Variants in COQ5 observed in about 807,000 individuals in gnomAD.
The protein encoded by COQ5 is coenzyme Q5, methyltransferase.
Under a neutral mutation model 40.5 loss-of-function variants are expected in COQ5, and 27 were observed. That is an observed-to-expected ratio of 0.67 (90% confidence interval 0.49 to 0.92). The LOEUF (loss-of-function observed/expected upper bound fraction) is 0.92, where lower values mean the gene tolerates loss of function less well. Among genes scored for constraint, COQ5 ranks in the 40% least tolerant of loss-of-function variants. The pLI is 0.00. For synonymous variants in COQ5, 141 were observed against 150.0 expected, an observed-to-expected ratio of 0.94 and a Z score of 0.44; for missense variants, 409 against 406.4, an observed-to-expected ratio of 1.01 and a Z score of -0.06.
chr12:120,512,912 G>A (rs1439470245), intron 3 of COQ5, among the ~76,000 whole-genome samples: 1 of 149,998 alleles, frequency 6.7e-6, no homozygotes, highest in African/African-American at 2.4e-5. Context: ...ACAAAAATTA[G>A]CCAGGCATGG....
At chr12:120,503,907 T>G in intron 6 of COQ5, 22 bp from the exon 7 acceptor site, 3 of 1,607,828 alleles carry the variant, frequency 1.9e-6, no homozygotes, top group Non-Finnish European at 1.7e-6. Flanking sequence ...GGAAAGATGA[T>G]AAAGCCAGGG....
In COQ5 at chr12:120,516,711, G is replaced by T. The variant is rs757061664; in HGVS notation, c.430C>A (p.Gln144Lys). 17 of 1,614,036 alleles carry T rather than the reference G, an allele frequency of 1.1e-5. No homozygotes were observed. The highest frequency in any genetic ancestry group is 1.4e-5 in the Non-Finnish European group (16 of 1,180,020). Residue 144 changes from glutamine (Q) to lysine (K), a missense_variant, in exon 3 of 7, where the codon CAA becomes AAA. Gln to Lys is a moderately conservative substitution (Grantham distance 53). Coordinates refer to ENST00000288532, the MANE Select transcript of COQ5 (RefSeq NM_032314.4). ...GCAATTTCTTCCCAGGATAAATTTT[G>T]TTGGGCCCTTAACTGCCTCTTCTGT... is the stretch of plus-strand genomic sequence containing the variant. ...RKQKRQLRAQ[Q>K]NLSWEEIAKE...
chr12:120,508,797 G>A (rs1037417291), intron 4 of COQ5, among the ~76,000 whole-genome samples: 1 of 151,970 alleles, frequency 6.6e-6, no homozygotes, highest in Admixed American at 6.6e-5. Context: ...AGGCCAAGGC[G>A]GGAGGATCAT....
At chr12:120,510,745 A>G (rs1727075287) in intron 3 of COQ5, among the ~76,000 whole-genome samples, 1 of 152,190 alleles carries the variant, frequency 6.6e-6, no homozygotes, top group Admixed American at 6.5e-5. Flanking sequence ...GCAGAGTTTT[A>G]CTGGTTTTAT....
chr12:120,527,827 A>C (rs1203196844), intron 1 of COQ5, among the ~76,000 whole-genome samples: 1 of 151,578 alleles, frequency 6.6e-6, no homozygotes, highest in Non-Finnish European at 1.5e-5. Context: ...CTAAAAAAAA[A>C]ATACAAAAAA....
chr12:120,506,152 G>A (rs999190356), intron 4 of COQ5, among the ~76,000 whole-genome samples: 2 of 152,130 alleles, frequency 1.3e-5, no homozygotes, highest in African/African-American at 4.8e-5. Flanking sequence ...ACCATGCCTG[G>A]CCGGTTATTC....
chr12:120,504,857 C>T, intron 5 of COQ5, 38 bp downstream of exon 5: 1 of 1,549,402 alleles, frequency 6.5e-7, no homozygotes, highest in Non-Finnish European at 8.9e-7. Context: ...GAAACCTTGG[C>T]TATACAATGA....
chr12:120,525,582 T>C (rs1047320237), intron 1 of COQ5, among the ~76,000 whole-genome samples: 2 of 152,146 alleles, frequency 1.3e-5, no homozygotes, highest in African/African-American at 4.8e-5. Context: ...TGCCTGTGAA[T>C]AGACATTGTA....
chr12:120,503,628 T>G lies in COQ5; in HGVS notation c.*156A>C, dbSNP rs1203684387. The G allele has an allele frequency of 7.0e-6, 5 of 710,420 alleles. No individual in the cohort carries two copies. Among genetic ancestry groups the G allele is most frequent in the Middle Eastern group, 2.3e-4 (1 of 4,396 alleles). The allele number at this position is 710,420 out of a possible 1,614,324, so 44.0% of individuals were successfully genotyped here. ...AAGCTGTAAAAAAGTGACAAGAATTTGTTCTTCCACTTTGAGACTGTTCGA... is the reference window on the plus strand; with the variant it reads ...AAGCTGTAAAAAAGTGACAAGAATTGGTTCTTCCACTTTGAGACTGTTCGA... On this transcript the variant is annotated 3_prime_UTR_variant, in exon 7 of 7. Coordinates refer to ENST00000288532, the MANE Select transcript of COQ5 (RefSeq NM_032314.4).
chr12:120,520,438 G>GA (rs892172795), intron 2 of COQ5, among the ~76,000 whole-genome samples: 9 of 151,824 alleles, frequency 5.9e-5, no homozygotes, highest in African/African-American at 1.7e-4. Flanking sequence ...CAATTCTCTT[G>GA]CCTCAGCCTC....
intron 2 of COQ5, among the ~76,000 whole-genome samples, chr12:120,520,656 A>C (rs571471389): frequency 2.0e-4 from 30 of 152,150 alleles, no homozygotes; most frequent in African/African-American, 7.0e-4. Context: ...TTTTTAGTAG[A>C]GACGGGGTTT....
rs778420997 is a variant in COQ5 at position 120,510,102 on chromosome 12, T to A, written c.596A>T (p.Asp199Val). Reference protein sequence around the residue: ...YRAGLAWVLGDAEELPFDDDK... With the variant: ...YRAGLAWVLGVAEELPFDDDK... ...ATCATCAAAGGGCAGTTCTTCAGCA[T>A]CTCCTAATACCCATGCAAGTCCTGA... Residue 199 changes from aspartate to valine, a missense_variant, in exon 4 of 7, where the codon GAT (aspartate) becomes GTT (valine). Physicochemically the swap from Asp to Val is radical, Grantham distance 152 (BLOSUM62 -3). Transcript: ENST00000288532. 66 of 1,613,778 alleles carry A rather than the reference T, an allele frequency of 4.1e-5. No homozygotes were observed. Among genetic ancestry groups the A allele is most frequent in the Middle Eastern group, 1.7e-4 (1 of 6,060 alleles).
intron 1 of COQ5, chr12:120,523,469 T>C: frequency 6.4e-6 from 2 of 312,680 alleles, no homozygotes; most frequent in South Asian, 3.3e-5. Flanking sequence ...CTCCACAGCC[T>C]GCTCCCCGCT....
At chr12:120,526,553 G>A (rs1484778098) in intron 1 of COQ5, 2 of 439,912 alleles carry the variant, frequency 4.5e-6, no homozygotes, top group Non-Finnish European at 9.1e-6. Flanking sequence ...AGTTCTTGGA[G>A]GTATTTCATA....
At chr12:120,521,624 C>T (rs1014508406) in intron 2 of COQ5, among the ~76,000 whole-genome samples, 6 of 145,568 alleles carry the variant, frequency 4.1e-5, no homozygotes, top group African/African-American at 1.0e-4. Flanking sequence ...GCAGTGGAGC[C>T]GAGATTGCAC....
intron 2 of COQ5, among the ~76,000 whole-genome samples, chr12:120,519,771 G>A (rs1286495977): frequency 1.3e-5 from 2 of 150,638 alleles, no homozygotes; most frequent in Non-Finnish European, 2.9e-5. Flanking sequence ...TTAGGAGGCC[G>A]AGGCAGGAAA....
Position 120,516,636 on chromosome 12 carries a change from C to G in COQ5, c.505G>C (p.Val169Leu). ...AGCATCTCCTTGTTGATGTCACACACCACGACACGAGACCCGCCCAAGGAA... is the reference window on the plus strand; with the variant it reads ...AGCATCTCCTTGTTGATGTCACACAGCACGACACGAGACCCGCCCAAGGAA... ...EDSLGGSRVV[V>L]CDINKEMLKV... The change falls in exon 3 of 7, where the codon GTG becomes CTG. Residue 169 changes from valine to leucine, a missense_variant. By Grantham distance (32) the Val-to-Leu change is conservative. Coordinates refer to ENST00000288532, the MANE Select transcript of COQ5 (RefSeq NM_032314.4). 6.2e-7 allele frequency: 1 copy of G among 1,614,228 alleles called. No individual in the cohort carries two copies. Among genetic ancestry groups the G allele is most frequent in the East Asian group, 2.2e-5 (1 of 44,890 alleles).
chr12:120,509,284 AG>A, intron 4 of COQ5, among the ~76,000 whole-genome samples: 1 of 152,102 alleles, frequency 6.6e-6, no homozygotes, highest in East Asian at 1.9e-4. Flanking sequence ...TGGGAGGCTG[AG>A]GTGGGAGGAT....
chr12:120,518,198 G>C (rs1357503470), intron 2 of COQ5, among the ~76,000 whole-genome samples: 1 of 152,154 alleles, frequency 6.6e-6, no homozygotes, highest in African/African-American at 2.4e-5. Flanking sequence ...GGCTGAGGTA[G>C]GCAGATTGCT....
Sources: allele counts gnomAD v4.1 joint callset (sites outside exome capture counted in the v4.1 genomes callset), GRCh38; gene constraint gnomAD v4.1.1; transcripts MANE v1.5; gene names NCBI Gene and HGNC (gene_info 2026-07-23, HGNC 2026-07-21).